The following SPAG16 variants were observed in gnomAD, a reference collection of about 807,000 sequenced individuals.
SPAG16 encodes sperm associated antigen 16.
In SPAG16, 86 loss-of-function variants were observed where a neutral mutation model predicts 80.4. That is an observed-to-expected ratio of 1.07 (90% CI 0.90 to 1.28). The LOEUF (loss-of-function observed/expected upper bound fraction) is 1.28. Among genes scored for constraint, SPAG16 ranks in the 50% most tolerant of loss-of-function variants. SPAG16 has a pLI of 0.00. For synonymous variants in SPAG16, 294 were observed against 265.9 expected (o/e 1.11, Z -1.03); for missense variants, 870 against 765.3 (o/e 1.14, Z -1.61).
intron 8 of SPAG16, among the ~76,000 whole-genome samples, chr2:213,366,734 T>A (rs1056673794): frequency 6.6e-6 from 1 of 152,152 alleles, no homozygotes; most frequent in African/African-American, 2.4e-5. Context: ...TATCACCAAG[T>A]GTCCATTGAT....
In SPAG16 at chr2:213,672,703, G is replaced by C. The variant is rs190948550; in HGVS notation, c.1070+182613G>C. Among the ~76,000 whole-genome samples, 40 of 151,764 alleles carry C rather than the reference G, an allele frequency of 2.6e-4. 1 individual carries two copies. In the East Asian group the frequency reaches 7.5e-3, roughly 29 times the overall value. On this transcript the variant is annotated intron_variant, in intron 10 of 15. Coordinates refer to ENST00000331683, the MANE Select transcript of SPAG16 (RefSeq NM_024532.5). ...CAACTGCTTTTATAATATTTATATGGGTATCACATTATTGCCTCATCTTAA... is the reference window on the plus strand; with the variant it reads ...CAACTGCTTTTATAATATTTATATGCGTATCACATTATTGCCTCATCTTAA...
At chr2:213,547,160 C>A (rs1349278363) in intron 10 of SPAG16, among the ~76,000 whole-genome samples, 2 of 151,940 alleles carry the variant, frequency 1.3e-5, no homozygotes, top group African/African-American at 2.4e-5. Context: ...CAGAAGATAA[C>A]CTAATATATC....
At chr2:213,763,498 C>G (rs1978589) in intron 10 of SPAG16, among the ~76,000 whole-genome samples, 140,869 of 152,204 alleles carry the variant, frequency 0.93, 66,209 homozygotes, top group East Asian at 1. Flanking sequence ...GAAGCAGAAA[C>G]TTGAATAGTG....
At chr2:213,417,308 G>A (rs1161086028) in intron 9 of SPAG16, among the ~76,000 whole-genome samples, 1 of 152,202 alleles carries the variant, frequency 6.6e-6, no homozygotes, top group Non-Finnish European at 1.5e-5. Flanking sequence ...ATACATGAAT[G>A]TTATCAGGGC....
chr2:213,331,578 G>A (rs185177409), intron 5 of SPAG16, among the ~76,000 whole-genome samples: 42 of 152,256 alleles, frequency 2.8e-4, no homozygotes, highest in Admixed American at 1.5e-3. Context: ...CTGCACCATA[G>A]AACAAATGGA....
chr2:213,980,571 AG>A (rs2045674101), intron 12 of SPAG16, among the ~76,000 whole-genome samples: 1 of 109,096 alleles, frequency 9.2e-6, no homozygotes, highest in Admixed American at 1.0e-4. Context: ...GTATATATAG[AG>A]AGTATATGTA....
chr2:214,156,237 A>G (rs768260863), intron 15 of SPAG16, among the ~76,000 whole-genome samples: 4 of 152,174 alleles, frequency 2.6e-5, no homozygotes, highest in Non-Finnish European at 4.4e-5. Flanking sequence ...AGGCATTCTC[A>G]TTACATCTGT....
intron 10 of SPAG16, among the ~76,000 whole-genome samples, chr2:213,530,236 C>T (rs1032857074): frequency 1.3e-5 from 2 of 152,162 alleles, no homozygotes; most frequent in Non-Finnish European, 2.9e-5. Flanking sequence ...ATGTTCTGTA[C>T]ATAATCATCT....
At chr2:214,169,781 A>G (rs750004802) in intron 15 of SPAG16, among the ~76,000 whole-genome samples, 3 of 152,070 alleles carry the variant, frequency 2.0e-5, no homozygotes, top group Non-Finnish European at 4.4e-5. Context: ...AAGTATCCTT[A>G]AAGCGTTTGA....
intron 13 of SPAG16, among the ~76,000 whole-genome samples, chr2:214,063,298 GT>G (rs1396389782): frequency 6.6e-6 from 1 of 151,986 alleles, no homozygotes; most frequent in African/African-American, 2.4e-5. Flanking sequence ...CTTATCTAAT[GT>G]GCTGAAATGC....
chr2:214,274,255 CT>C (rs1336129760), intron 15 of SPAG16, among the ~76,000 whole-genome samples: 1 of 152,176 alleles, frequency 6.6e-6, no homozygotes, highest in Non-Finnish European at 1.5e-5. Flanking sequence ...GACAATTTGA[CT>C]TCCTCTTTTC....
At chr2:213,553,062 A>G (rs977253662) in intron 10 of SPAG16, among the ~76,000 whole-genome samples, 1 of 152,144 alleles carries the variant, frequency 6.6e-6, no homozygotes, top group Non-Finnish European at 1.5e-5. Flanking sequence ...AAGACAGCCT[A>G]TTGTGGGACT....
intron 15 of SPAG16, among the ~76,000 whole-genome samples, chr2:214,185,686 A>C (rs1377056192): frequency 6.6e-6 from 1 of 152,144 alleles, no homozygotes; most frequent in African/African-American, 2.4e-5. Flanking sequence ...TGCAGGCCAG[A>C]CAGAGACAGA....
At chr2:213,991,416 G>T (rs2046274480) in intron 12 of SPAG16, among the ~76,000 whole-genome samples, 1 of 152,072 alleles carries the variant, frequency 6.6e-6, no homozygotes, top group Non-Finnish European at 1.5e-5. Context: ...TGGGCATTTG[G>T]GTTGGTTCTA....
At chr2:213,408,370 T>A (rs972094419) in intron 9 of SPAG16, among the ~76,000 whole-genome samples, 3 of 152,228 alleles carry the variant, frequency 2.0e-5, no homozygotes, top group African/African-American at 7.2e-5. Flanking sequence ...ACTGCTTTGC[T>A]AACAGAAGAA....
At chr2:214,201,895 A>G (rs2125721266) in intron 15 of SPAG16, among the ~76,000 whole-genome samples, 1 of 151,988 alleles carries the variant, frequency 6.6e-6, no homozygotes, top group Admixed American at 6.6e-5. Context: ...GCTCAGGCCA[A>G]AGTGCAGTGG....
At chr2:213,441,264 C>T (rs1201310443) in intron 9 of SPAG16, among the ~76,000 whole-genome samples, 1 of 152,154 alleles carries the variant, frequency 6.6e-6, no homozygotes, top group Non-Finnish European at 1.5e-5. Flanking sequence ...GATGTCCTAT[C>T]AGTGGTAGAA....
At chr2:214,147,509 G>GA (rs1322862600) in intron 14 of SPAG16, among the ~76,000 whole-genome samples, 2 of 151,910 alleles carry the variant, frequency 1.3e-5, no homozygotes, top group Non-Finnish European at 2.9e-5. Flanking sequence ...TCCCAAAATT[G>GA]AAAAAAATTT....
intron 12 of SPAG16, among the ~76,000 whole-genome samples, chr2:213,994,507 C>T (rs557903399): frequency 1.3e-5 from 2 of 150,900 alleles, no homozygotes; most frequent in Admixed American, 6.6e-5. Flanking sequence ...GATCCTGTTA[C>T]AAGTTATGTG....
Sources: gnomAD v4.1 joint callset for allele counts (sites outside exome capture counted in the v4.1 genomes callset) on GRCh38, gnomAD v4.1.1 for gene constraint, MANE v1.5 for transcripts, NCBI Gene and HGNC (gene_info 2026-07-23, HGNC 2026-07-21) for gene names.